Variants in TRPC3 observed in about 807,000 individuals in gnomAD.
The protein encoded by TRPC3 is transient receptor potential cation channel subfamily C member 3, also known as short transient receptor potential channel 3.
TRPC3 carries 54 observed loss-of-function variants against 90.9 expected under a neutral mutation model. That is an observed-to-expected ratio of 0.59 (90% CI 0.48 to 0.75). TRPC3 has a LOEUF of 0.75. Ranked by LOEUF, TRPC3 falls within the 30% of genes least tolerant of loss-of-function variation. The pLI, the probability that TRPC3 is intolerant of heterozygous loss-of-function variation, is 0.00. For missense variants in TRPC3, 918 were observed against 1,194.5 expected (o/e 0.77, Z 3.41); for synonymous variants, 424 against 450.9 (o/e 0.94, Z 0.75).
chr4:121,905,465 T>C (rs565355492), intron 7 of TRPC3, among the ~76,000 whole-genome samples: 98 of 152,220 alleles, frequency 6.4e-4, no homozygotes, highest in African/African-American at 2.0e-3. Context: ...CCACAACAAT[T>C]AGCACTTAGG....
At chr4:121,933,145 T>C (rs1730013669) in intron 1 of TRPC3, 103 bp from the exon 2 acceptor site, 2 of 1,427,108 alleles carry the variant, frequency 1.4e-6, no homozygotes, top group East Asian at 2.5e-5. Context: ...ACTGCAAACC[T>C]CTGGCTGCAG....
chr4:121,915,080 G>A (rs142745865), intron 3 of TRPC3, 136 bp from the exon 4 acceptor site: 1 of 700,232 alleles, frequency 1.4e-6, no homozygotes, highest in East Asian at 3.0e-5. Flanking sequence ...GTACTGGAAG[G>A]TTCTGGTAAT....
At chr4:121,895,408 T>A (rs564411252) in intron 10 of TRPC3, among the ~76,000 whole-genome samples, 78 of 151,986 alleles carry the variant, frequency 5.1e-4, no homozygotes, top group East Asian at 9.7e-4. Context: ...AAGTTTTTTT[T>A]AAAAAGATAA....
intron 3 of TRPC3, among the ~76,000 whole-genome samples, chr4:121,922,770 AG>A (rs1729568877): frequency 6.6e-6 from 1 of 152,248 alleles, no homozygotes; most frequent in South Asian, 2.1e-4. Context: ...TCTAAAAAAC[AG>A]TTTACTATCA....
At position 121,903,075 on chromosome 4, in the gene TRPC3, A is replaced by G; in HGVS notation, c.2254-14T>C. ...ATCACTGTCATCCTGTGTCACAAAA[A>G]TAGAAAAAAAAACTAATTTTAAATG... On this transcript the variant is annotated splice_polypyrimidine_tract_variant and intron_variant, in intron 8 of 11. Coordinates refer to ENST00000379645, the MANE Select transcript of TRPC3 (RefSeq NM_001130698.2). 6.3e-7 allele frequency: 1 copy of G among 1,579,418 alleles called. No individual in the cohort carries two copies. Among genetic ancestry groups the G allele is most frequent in the Non-Finnish European group, 8.6e-7 (1 of 1,165,956 alleles).
Position 121,914,925 on chromosome 4 carries a change from C to T in TRPC3, c.1196G>A (p.Cys399Tyr). ...CCAGATCGTCAAGAGCTGCTGCTGG[C>T]AGTTGGGATGAGCCACAAACTATTG... The part of the protein sequence containing the change: ...EVKKFVAHPN[C>Y]QQQLLTIWYE... Residue 399 changes from cysteine (C) to tyrosine (Y), a missense_variant, in exon 4 of 12, where the codon TGC (cysteine) becomes TAC (tyrosine). Physicochemically the swap from Cys to Tyr is radical, Grantham distance 194. Around this residue, in one of 4 missense-constraint regions of TRPC3, gnomAD observed 609 missense variants for 725.9 expected, o/e 0.84. Coordinates refer to ENST00000379645, the MANE Select transcript of TRPC3 (RefSeq NM_001130698.2). The T allele has an allele frequency of 6.2e-7, 1 of 1,606,792 alleles. No homozygotes were observed. The highest frequency in any genetic ancestry group is 2.2e-5 in the East Asian group (1 of 44,734).
chr4:121,912,053 G>A lies in TRPC3; in HGVS notation c.1382C>T (p.Ala461Val). ...ILRSPFMKFV[A>V]HAASFIIFLG... The stretch of plus-strand genomic sequence containing the variant: ...GAAGATGATGAAAGAAGCTGCATGT[G>A]CTACAAACTTCATAAAAGGGCTTCG... Residue 461 changes from alanine (A) to valine (V), a missense_variant, in exon 5 of 12, where the codon GCA becomes GTA. Ala to Val is a moderately conservative substitution (Grantham distance 64, BLOSUM62 0). Transcript: ENST00000379645. 6.2e-7 allele frequency: 1 copy of A among 1,613,712 alleles called. No homozygotes were observed. The highest frequency in any genetic ancestry group is 1.3e-5 in the African/African-American group (1 of 74,984).
At position 121,933,051 on chromosome 4, in the gene TRPC3, TA is replaced by T. The variant is rs1730008726; in HGVS notation, c.216-10del. ...GGCTTCCCTCCATGGACCTAATCAGTAGCAACGATAAAACAACTGTAGAATA... is the reference window on the plus strand; with the variant it reads ...GGCTTCCCTCCATGGACCTAATCAGTGCAACGATAAAACAACTGTAGAATA... On this transcript the variant is annotated splice_polypyrimidine_tract_variant and intron_variant, in intron 1 of 11. Transcript: ENST00000379645. The T allele has an allele frequency of 6.5e-7, 1 of 1,542,854 alleles. No homozygotes were observed. Among genetic ancestry groups the T allele is most frequent in the African/African-American group, 1.4e-5 (1 of 72,386 alleles).
In TRPC3 at chr4:121,951,514, C is replaced by G. The variant is rs1578667764; in HGVS notation, c.167G>C (p.Arg56Pro). 2.0e-5 allele frequency: 27 copies of G among 1,379,456 alleles called. No individual in the cohort carries two copies. The Middle Eastern group carries it at 8.0e-4, about 41-fold the overall frequency. 85.5% of individuals were successfully genotyped at this position (1,379,456 alleles called of 1,614,324 possible). A position where few individuals can be genotyped will look rare whatever the true frequency, so the allele number is the denominator to read the frequency against. ...GLEPRSAPSQ[R>P]EPHGYCPPPF... ...CGGCGGGCAGTAGCCGTGCGGCTCC[C>G]GCTGCGAGGGCGCCGAGCGCGGCTC... is the stretch of plus-strand genomic sequence containing the variant. The change falls in exon 1 of 12, where the codon CGG becomes CCG. Residue 56 changes from arginine to proline, a missense_variant. Arg to Pro is a moderately radical substitution (Grantham distance 103, BLOSUM62 -2). This residue lies in a region of TRPC3 where 609 missense variants were observed against 725.9 expected (regional missense o/e 0.84). Transcript: ENST00000379645. The surrounding 1 kb of genome is among the most constrained non-coding windows in gnomAD (Gnocchi z 4.4).
chr4:121,936,768 T>G (rs1730143491), intron 1 of TRPC3, among the ~76,000 whole-genome samples: 1 of 151,986 alleles, frequency 6.6e-6, no homozygotes, highest in South Asian at 2.1e-4. Flanking sequence ...ACAAGGTACC[T>G]CTCCAGAAAC....
chr4:121,905,796 T>A (rs957880355), intron 7 of TRPC3, among the ~76,000 whole-genome samples: 4 of 152,126 alleles, frequency 2.6e-5, no homozygotes, highest in Non-Finnish European at 5.9e-5. Flanking sequence ...GAAATTTTGC[T>A]ACACCCTGAG....
intron 3 of TRPC3, among the ~76,000 whole-genome samples, chr4:121,922,553 A>G (rs558002136): frequency 1.3e-5 from 2 of 152,344 alleles, no homozygotes; most frequent in South Asian, 4.1e-4. Context: ...CCTACATGCC[A>G]ATTTATTTAA....
At chr4:121,917,126 A>G (rs2149129949) in intron 3 of TRPC3, among the ~76,000 whole-genome samples, 1 of 152,310 alleles carries the variant, frequency 6.6e-6, no homozygotes, top group East Asian at 1.9e-4. Context: ...TCAGTTTTCA[A>G]AATCCCAGGT....
intron 10 of TRPC3, 27 bp downstream of exon 10, chr4:121,899,585 C>G: frequency 6.3e-7 from 1 of 1,586,204 alleles, no homozygotes; most frequent in South Asian, 1.1e-5. Flanking sequence ...ACATAGAGAT[C>G]AAGAGATACG....
intron 1 of TRPC3, among the ~76,000 whole-genome samples, chr4:121,945,443 C>T (rs950939319): frequency 7.2e-5 from 11 of 152,248 alleles, no homozygotes; most frequent in African/African-American, 1.7e-4. Context: ...CAATATATAA[C>T]GGTGGAAAGG....
chr4:121,889,834 G>C (rs72680783), intron 10 of TRPC3, among the ~76,000 whole-genome samples: 132 of 152,260 alleles, frequency 8.7e-4, no homozygotes, highest in Non-Finnish European at 1.7e-3. Flanking sequence ...CAAAGGAAAT[G>C]AAATCAGTAT....
chr4:121,893,943 CTGTT>C (rs757818407), intron 10 of TRPC3, among the ~76,000 whole-genome samples: 52 of 152,198 alleles, frequency 3.4e-4, no homozygotes, highest in Non-Finnish European at 6.5e-4. Context: ...TGGTAACACA[CTGTT>C]TGTAAATTAG....
At chr4:121,912,508 T>C (rs1400094713) in intron 4 of TRPC3, among the ~76,000 whole-genome samples, 2 of 152,200 alleles carry the variant, frequency 1.3e-5, no homozygotes, top group African/African-American at 4.8e-5. Context: ...GAGGATCTTA[T>C]AGACTCATAT....
intron 3 of TRPC3, 30 bp from the exon 4 acceptor site, chr4:121,914,974 G>C (rs201686863): frequency 1.3e-6 from 2 of 1,563,752 alleles, no homozygotes; most frequent in Non-Finnish European, 1.7e-6. Context: ...TTGAGAAGGG[G>C]AGAGAAAGGT....
Sources: allele counts gnomAD v4.1 joint callset (sites outside exome capture counted in the v4.1 genomes callset), GRCh38; gene constraint gnomAD v4.1.1; regional missense constraint gnomAD v4.1.1; non-coding constraint Gnocchi (gnomAD v3.1); transcripts MANE v1.5; gene names NCBI Gene and HGNC (gene_info 2026-07-23, HGNC 2026-07-21).